Variants in CTNNA2 observed in about 807,000 individuals in gnomAD.
CTNNA2 encodes catenin alpha 2.
A neutral mutation model predicts 101.0 loss-of-function variants in CTNNA2; 42 were observed. That is an observed-to-expected ratio of 0.42 (90% CI 0.32 to 0.54). CTNNA2 has a LOEUF of 0.54. Ranked by LOEUF, CTNNA2 falls within the 20% of genes least tolerant of loss-of-function variation. The pLI is 0.14. For synonymous variants in CTNNA2, 450 were observed against 456.4 expected (o/e 0.99, Z 0.18); for missense variants, 871 against 1,223.1 (o/e 0.71, Z 4.29).
intron 9 of CTNNA2, among the ~76,000 whole-genome samples, chr2:80,494,186 C>G (rs1255184508): frequency 6.6e-6 from 1 of 152,076 alleles, no homozygotes; most frequent in African/African-American, 2.4e-5. Flanking sequence ...CTGGGAGAGT[C>G]TTAAACATAA....
chr2:79,934,248 A>T (rs1357261367), intron 7 of CTNNA2, among the ~76,000 whole-genome samples: 1 of 152,230 alleles, frequency 6.6e-6, no homozygotes, highest in South Asian at 2.1e-4. Flanking sequence ...ATGAAAATCA[A>T]TTTGGCCTGA....
intron 9 of CTNNA2, among the ~76,000 whole-genome samples, chr2:80,532,427 C>A (rs866864517): frequency 6.6e-6 from 1 of 152,152 alleles, no homozygotes; most frequent in Non-Finnish European, 1.5e-5. Context: ...TAGTATCCTT[C>A]TTGGTTATTA....
At chr2:79,313,146 G>C (rs17707159) in intron 3 of CTNNA2, among the ~76,000 whole-genome samples, 24,086 of 152,072 alleles carry the variant, frequency 0.16, 1,945 homozygotes, top group Middle Eastern at 0.18. Context: ...TTATCCCTTG[G>C]CTCCCGTTTG....
At chr2:79,620,586 T>C (rs1019431660) in intron 1 of CTNNA2, among the ~76,000 whole-genome samples, 1 of 152,134 alleles carries the variant, frequency 6.6e-6, no homozygotes, top group African/African-American at 2.4e-5. Context: ...ACATACCCAC[T>C]AAATAGTAAA....
chr2:79,811,521 A>G (rs1355105326), intron 3 of CTNNA2, among the ~76,000 whole-genome samples: 1 of 152,060 alleles, frequency 6.6e-6, no homozygotes, highest in Non-Finnish European at 1.5e-5. Context: ...CACCTTTTCT[A>G]AAAGTCAATT....
At chr2:80,009,083 T>A (rs2104007219) in intron 7 of CTNNA2, among the ~76,000 whole-genome samples, 1 of 152,328 alleles carries the variant, frequency 6.6e-6, no homozygotes, top group African/African-American at 2.4e-5. Flanking sequence ...TTTTACTGTC[T>A]GACATGGTGT....
intron 9 of CTNNA2, among the ~76,000 whole-genome samples, chr2:80,502,107 G>C (rs1450174796): frequency 6.6e-6 from 1 of 152,076 alleles, no homozygotes; most frequent in African/African-American, 2.4e-5. Context: ...AGAAAAACCT[G>C]GCCTAGAGTA....
Position 79,397,610 on chromosome 2 carries a change from G to A in CTNNA2, c.-135+23597G>A, listed in dbSNP as rs562443316. 3.6e-4 allele frequency among the ~76,000 whole-genome samples: 54 copies of A among 151,826 alleles called. 1 individual carries two copies. In the South Asian group the frequency reaches 5.6e-3, roughly 16 times the overall value. The stretch of plus-strand genomic sequence containing the variant: ...TTTGCAGAGAAGTCTTCAGTCTTTC[G>A]TGTTCATCTCTATGCAACTGGCTCT... On this transcript the variant is annotated intron_variant, in intron 4 of 21. Coordinates refer to the CTNNA2 transcript ENST00000466387.
intron 7 of CTNNA2, among the ~76,000 whole-genome samples, chr2:79,949,085 T>A (rs1280556396): frequency 6.6e-6 from 1 of 152,224 alleles, no homozygotes; most frequent in Non-Finnish European, 1.5e-5. Context: ...GTTGGAGATG[T>A]TTATCTGAAC....
chr2:80,220,641 G>T (rs1573431748), intron 7 of CTNNA2, among the ~76,000 whole-genome samples: 4 of 152,308 alleles, frequency 2.6e-5, no homozygotes, highest in Admixed American at 2.6e-4. Context: ...ATTTGTCATG[G>T]ATAGTCACAC....
chr2:80,460,912 T>A (rs1684369725), intron 9 of CTNNA2, among the ~76,000 whole-genome samples: 1 of 152,202 alleles, frequency 6.6e-6, no homozygotes, highest in African/African-American at 2.4e-5. Context: ...TGGAGCCCAA[T>A]AATTTTTTGT....
intron 3 of CTNNA2, among the ~76,000 whole-genome samples, chr2:79,356,031 T>G (rs1385903610): frequency 6.6e-6 from 1 of 151,884 alleles, no homozygotes; most frequent in Non-Finnish European, 1.5e-5. Context: ...TTTACTAATG[T>G]GGCTGCAGCA....
At chr2:80,317,425 C>T (rs753533813) in intron 7 of CTNNA2, among the ~76,000 whole-genome samples, 1 of 152,128 alleles carries the variant, frequency 6.6e-6, no homozygotes, top group Non-Finnish European at 1.5e-5. Flanking sequence ...ACTTAAGCTA[C>T]GTGCCTTAAC....
chr2:79,435,356 T>C (rs1381950952), intron 4 of CTNNA2, among the ~76,000 whole-genome samples: 1 of 152,158 alleles, frequency 6.6e-6, no homozygotes, highest in African/African-American at 2.4e-5. Flanking sequence ...TTTGTGTGCA[T>C]TGGGGTGTGT....
At chr2:79,415,757 A>G (rs1256359605) in intron 4 of CTNNA2, among the ~76,000 whole-genome samples, 1 of 152,106 alleles carries the variant, frequency 6.6e-6, no homozygotes, top group Non-Finnish European at 1.5e-5. Flanking sequence ...GTTTTTTTTC[A>G]TCCCAGTAGA....
chr2:80,071,966 G>C (rs1698377666), intron 7 of CTNNA2, among the ~76,000 whole-genome samples: 1 of 152,202 alleles, frequency 6.6e-6, no homozygotes, highest in African/African-American at 2.4e-5. Context: ...CTCAGATTAA[G>C]AGGAGAAAAT....
intron 9 of CTNNA2, among the ~76,000 whole-genome samples, chr2:80,481,130 T>C (rs1249528601): frequency 6.6e-6 from 1 of 152,126 alleles, no homozygotes; most frequent in Non-Finnish European, 1.5e-5. Flanking sequence ...AAATGCCAAA[T>C]TATATGCCAG....
At chr2:79,422,730 G>A (rs1417076650) in intron 4 of CTNNA2, among the ~76,000 whole-genome samples, 2 of 152,180 alleles carry the variant, frequency 1.3e-5, no homozygotes, top group Admixed American at 1.3e-4. Context: ...TTGAGCACAT[G>A]TAAGGGATAA....
At chr2:79,227,254 A>G (rs1376527742) in intron 2 of CTNNA2, among the ~76,000 whole-genome samples, 5 of 152,266 alleles carry the variant, frequency 3.3e-5, no homozygotes, top group Admixed American at 2.0e-4. Context: ...GGGCATGCAA[A>G]CATCATGGGT....
Sources: gnomAD v4.1 joint callset for allele counts (sites outside exome capture counted in the v4.1 genomes callset) on GRCh38, gnomAD v4.1.1 for gene constraint, MANE v1.5 for transcripts, NCBI Gene and HGNC (gene_info 2026-07-23, HGNC 2026-07-21) for gene names.